RAD51B: variants seen among roughly 807,000 people sequenced by gnomAD.
RAD51B encodes DNA repair protein RAD51 homolog 2.
RAD51B carries 38 observed loss-of-function variants against 42.2 expected under a neutral mutation model. The ratio of observed to expected loss-of-function variants is 0.90; its 90% CI spans 0.70 to 1.18. The LOEUF is 1.18. Ranked by LOEUF, RAD51B falls within the 50% of genes most tolerant of loss-of-function variation. The probability of loss-of-function intolerance (pLI) is 0.00; values close to 1 mark genes in which losing one functional copy is unlikely to be tolerated. For synonymous variants in RAD51B, 154 were observed against 145.2 expected, an observed-to-expected ratio of 1.06 and a Z score of -0.43; for missense variants, 373 against 400.7, an observed-to-expected ratio of 0.93 and a Z score of 0.59.
At chr14:68,517,280 GA>G (rs1886229779) in intron 10 of RAD51B, among the ~76,000 whole-genome samples, 1 of 152,074 alleles carries the variant, frequency 6.6e-6, no homozygotes, top group Admixed American at 6.6e-5. Context: ...GAGGGGAGAG[GA>G]GGGGAGGAGA....
At chr14:68,062,624 T>C (rs779926984) in intron 7 of RAD51B, among the ~76,000 whole-genome samples, 51 of 151,676 alleles carry the variant, frequency 3.4e-4, no homozygotes, top group Non-Finnish European at 6.6e-4. Context: ...TGAAATCCCG[T>C]CTCTACTAAA....
chr14:68,422,436 C>G (rs573185200), intron 9 of RAD51B, among the ~76,000 whole-genome samples: 1 of 151,930 alleles, frequency 6.6e-6, no homozygotes, highest in Non-Finnish European at 1.5e-5. Flanking sequence ...TGGCAGACAC[C>G]TGTAATCCCA....
chr14:68,092,086 G>A (rs1203833757), intron 7 of RAD51B, among the ~76,000 whole-genome samples: 1 of 152,202 alleles, frequency 6.6e-6, no homozygotes, highest in East Asian at 1.9e-4. Flanking sequence ...GTACCATGCT[G>A]TTTTGGTTAC....
At chr14:68,202,222 T>G (rs1479822727) in intron 7 of RAD51B, among the ~76,000 whole-genome samples, 1 of 152,200 alleles carries the variant, frequency 6.6e-6, no homozygotes, top group African/African-American at 2.4e-5. Flanking sequence ...GTGGAGTGTT[T>G]TGCCTGGATG....
intron 7 of RAD51B, among the ~76,000 whole-genome samples, chr14:68,095,754 T>C (rs916657159): frequency 2.0e-5 from 3 of 151,828 alleles, no homozygotes; most frequent in African/African-American, 7.3e-5. Flanking sequence ...GGTGGGCGGA[T>C]CACGAGGTCA....
chr14:67,820,076 A>G (rs2040574497), intron 1 of RAD51B, among the ~76,000 whole-genome samples: 1 of 152,070 alleles, frequency 6.6e-6, no homozygotes, highest in East Asian at 1.9e-4. Flanking sequence ...GAAGCTGCTC[A>G]TTGTTGGAAA....
At chr14:68,235,073 A>T (rs1014208794) in intron 7 of RAD51B, among the ~76,000 whole-genome samples, 5 of 152,170 alleles carry the variant, frequency 3.3e-5, no homozygotes, top group African/African-American at 1.2e-4. Flanking sequence ...TAATGATAAA[A>T]GTATAGCAGA....
chr14:68,271,579 G>T (rs980780838), intron 7 of RAD51B, among the ~76,000 whole-genome samples: 2 of 152,102 alleles, frequency 1.3e-5, no homozygotes, highest in African/African-American at 4.8e-5. Context: ...ATGGATATGG[G>T]TTCTGGGCTT....
intron 8 of RAD51B, among the ~76,000 whole-genome samples, chr14:68,349,324 C>T (rs1226477256): frequency 6.6e-6 from 1 of 151,852 alleles, no homozygotes; most frequent in African/African-American, 2.4e-5. Flanking sequence ...GTTCTGTTCT[C>T]TTTACAGGGC....
chr14:67,979,852 G>C (rs1367247713), intron 7 of RAD51B, among the ~76,000 whole-genome samples: 1 of 152,038 alleles, frequency 6.6e-6, no homozygotes, highest in African/African-American at 2.4e-5. Context: ...TATATACTCT[G>C]TTAATACATA....
At chr14:68,017,058 C>T (rs1481569103) in intron 7 of RAD51B, among the ~76,000 whole-genome samples, 3 of 151,958 alleles carry the variant, frequency 2.0e-5, no homozygotes, top group African/African-American at 7.2e-5. Flanking sequence ...TTAACCCTTT[C>T]TTCATTTTCC....
chr14:68,562,074 T>A (rs1889181448), intron 10 of RAD51B: 2 of 985,180 alleles, frequency 2.0e-6, no homozygotes, highest in Non-Finnish European at 2.4e-6. Flanking sequence ...ATTTGGAGAG[T>A]CCATAACTGT....
chr14:68,661,964 A>G (rs905140049), intron 11 of RAD51B, among the ~76,000 whole-genome samples: 7 of 152,246 alleles, frequency 4.6e-5, no homozygotes, highest in South Asian at 4.1e-4. Flanking sequence ...CAGCTCTCTT[A>G]TTTATCTCTT....
intron 10 of RAD51B, among the ~76,000 whole-genome samples, chr14:68,520,390 G>C (rs992938157): frequency 6.6e-6 from 1 of 152,190 alleles, no homozygotes. Flanking sequence ...CACTGGAATG[G>C]ATAACTGAGA....
rs146358324 is a variant in RAD51B at position 68,589,567 on chromosome 14, T to C, written c.1037-4918T>C. ...TAGAGGCCAGGCCTTGGCTGAGCCC[T>C]GGAGAGGGTATCTCCTTTGCACGTA... On this transcript the variant is annotated intron_variant, in intron 10 of 10. Transcript: ENST00000487270. Among the ~76,000 whole-genome samples, 231 of 152,328 alleles carry C rather than the reference T, an allele frequency of 1.5e-3. 2 individuals carry two copies. Among genetic ancestry groups the C allele is most frequent in the African/African-American group, 5.3e-3 (222 of 41,574 alleles).
intron 7 of RAD51B, among the ~76,000 whole-genome samples, chr14:68,219,723 A>C (rs2079887571): frequency 6.6e-6 from 1 of 152,158 alleles, no homozygotes; most frequent in South Asian, 2.1e-4. Flanking sequence ...GACATCGTCT[A>C]CCCAAATGAG....
Position 67,927,392 on chromosome 14 carries a change from A to C in RAD51B, c.756+40188A>C, listed in dbSNP as rs1452819329. Among the ~76,000 whole-genome samples, 3 of 152,096 alleles carry C rather than the reference A, an allele frequency of 2.0e-5. No individual in the cohort carries two copies. The East Asian group carries it at 5.8e-4, about 29-fold the overall frequency. ...TGACATATACATAATATTGTTACTA[A>C]GTGTAGTCACTGTGGTCTGCTATCA... is the stretch of plus-strand genomic sequence containing the variant. On this transcript the variant is annotated intron_variant, in intron 7 of 10. Coordinates refer to ENST00000471583, the MANE Select transcript of RAD51B (RefSeq NM_133510.4).
At chr14:68,327,937 A>G (rs1275959903) in intron 8 of RAD51B, among the ~76,000 whole-genome samples, 2 of 152,146 alleles carry the variant, frequency 1.3e-5, no homozygotes, top group Admixed American at 6.5e-5. Flanking sequence ...TTTTACTATC[A>G]TTCAGCAAGA....
intron 7 of RAD51B, among the ~76,000 whole-genome samples, chr14:68,039,056 T>C (rs1390626598): frequency 2.6e-5 from 4 of 152,042 alleles, no homozygotes; most frequent in Non-Finnish European, 5.9e-5. Flanking sequence ...ACACAACCAA[T>C]CAGGGGCTGA....
Sources: allele counts gnomAD v4.1 joint callset (sites outside exome capture counted in the v4.1 genomes callset), GRCh38; gene constraint gnomAD v4.1.1; transcripts MANE v1.5; gene names NCBI Gene and HGNC (gene_info 2026-07-23, HGNC 2026-07-21).